Variants in FAT1 observed in about 807,000 individuals in gnomAD.
FAT1 encodes protocadherin Fat 1.
FAT1 carries 171 observed loss-of-function variants against 329.8 expected under a neutral mutation model. The observed-to-expected ratio is 0.52, with a 90% confidence interval of 0.46 to 0.59. FAT1 has a LOEUF of 0.59. FAT1 is among the 20% of genes least tolerant of loss of function. The pLI is 0.00. For missense variants in FAT1, 5,672 were observed against 5,774.4 expected, an observed-to-expected ratio of 0.98 and a Z score of 0.57; for synonymous variants, 2,233 against 2,228.6, an observed-to-expected ratio of 1.00 and a Z score of -0.06.
rs369268029 is a variant in FAT1 at position 186,606,096 on chromosome 4, T to C, written c.10324A>G (p.Arg3442Gly). The change falls in exon 17 of 27, where the codon AGG becomes GGG. Residue 3442 changes from arginine to glycine, a missense_variant. This residue lies in a region of FAT1 where 1,706 missense variants were observed against 1,859.1 expected (regional missense o/e 0.92). Coordinates refer to ENST00000441802, the MANE Select transcript of FAT1 (RefSeq NM_005245.4). ...TGGATAATGACACTGTAGTTTCCCC[T>C]GGAGAAGACGGGCGCGTTGTCATTG... The part of the protein sequence containing the change: ...DVNDNAPVFS[R>G]GNYSVIIQEN... The C allele has an allele frequency of 4.6e-5, 74 of 1,613,102 alleles. No homozygotes were observed. Among genetic ancestry groups the C allele is most frequent in the Non-Finnish European group, 6.1e-5 (72 of 1,179,812 alleles).
chr4:186,622,534 G>A (rs1477000349), intron 9 of FAT1, among the ~76,000 whole-genome samples: 1 of 152,180 alleles, frequency 6.6e-6, no homozygotes, highest in African/African-American at 2.4e-5. Context: ...AAAAATATCT[G>A]GTTCCAAATG....
intron 2 of FAT1, among the ~76,000 whole-genome samples, chr4:186,695,061 T>C (rs770667499): frequency 2.0e-5 from 3 of 152,192 alleles, no homozygotes; most frequent in Non-Finnish European, 4.4e-5. Context: ...TCAAAAATAA[T>C]CTGTGAATCT....
Position 186,620,864 on chromosome 4 carries a change from A to C in FAT1, c.5722T>G (p.Ser1908Ala), listed in dbSNP as rs2126519888. Residue 1908 changes from serine to alanine, a missense_variant, in exon 10 of 27, where the codon TCA becomes GCA. Around this residue, in one of 2 missense-constraint regions of FAT1, gnomAD observed 3,966 missense variants for 3,915.2 expected, o/e 1.01. Transcript: ENST00000441802. ...TAAATCAACTGTGAGAATGCACTTG[A>C]ATCAGCATCTGTAGCATTTACTGTG... is the stretch of plus-strand genomic sequence containing the variant. Reference protein sequence around the residue: ...VITVNATDADSSAFSQLIYSI... With the variant: ...VITVNATDADASAFSQLIYSI... 1 of 1,614,028 alleles carries C rather than the reference A, an allele frequency of 6.2e-7. No individual in the cohort carries two copies. The highest frequency in any genetic ancestry group is 8.5e-7 in the Non-Finnish European group (1 of 1,179,896).
chr4:186,676,736 A>G (rs901441664), intron 2 of FAT1, among the ~76,000 whole-genome samples: 5 of 152,130 alleles, frequency 3.3e-5, no homozygotes, highest in African/African-American at 9.7e-5. Flanking sequence ...TATAAACAGA[A>G]CTCTCTCCAA....
intron 2 of FAT1, among the ~76,000 whole-genome samples, chr4:186,700,958 C>A (rs1379991208): frequency 1.3e-5 from 2 of 152,158 alleles, no homozygotes; most frequent in African/African-American, 4.8e-5. Context: ...ACCTCCAGGT[C>A]CCGGCCCCTG....
At chr4:186,688,506 G>C (rs1743586647) in intron 2 of FAT1, among the ~76,000 whole-genome samples, 1 of 152,088 alleles carries the variant, frequency 6.6e-6, no homozygotes, top group Non-Finnish European at 1.5e-5. Flanking sequence ...TGCAGACCAG[G>C]CTGTGACCTA....
At chr4:186,666,302 C>G (rs1259967704) in intron 2 of FAT1, among the ~76,000 whole-genome samples, 4 of 152,188 alleles carry the variant, frequency 2.6e-5, no homozygotes, top group Non-Finnish European at 5.9e-5. Flanking sequence ...TCCCTGTTCT[C>G]TAACCCAAGC....
intron 17 of FAT1, among the ~76,000 whole-genome samples, chr4:186,605,658 G>A (rs1445397765): frequency 1.3e-5 from 2 of 150,094 alleles, no homozygotes; most frequent in Non-Finnish European, 3.0e-5. Context: ...GAGAAGAGGT[G>A]GAGGGAGGAG....
At chr4:186,639,879 A>C in intron 3 of FAT1, 96 bp from the exon 4 acceptor site, 11 of 1,053,876 alleles carry the variant, frequency 1.0e-5, no homozygotes, top group South Asian at 1.4e-5. Context: ...GCGGTAGCTC[A>C]TGCCTTAATC....
In FAT1 at chr4:186,663,584, G is replaced by C. The variant is rs537428906; in HGVS notation, c.3295C>G (p.Arg1099Gly). The change falls in exon 3 of 27, where the codon CGT (arginine) becomes GGT (glycine). Residue 1099 changes from arginine to glycine, a missense_variant. Arg to Gly is a moderately radical substitution (Grantham distance 125). This residue lies in a region of FAT1 where 3,966 missense variants were observed against 3,915.2 expected (regional missense o/e 1.01). Coordinates refer to ENST00000441802, the MANE Select transcript of FAT1 (RefSeq NM_005245.4). ...GVIETSDRLD[R>G]ESTSHYWLTV... The stretch of plus-strand genomic sequence containing the variant: ...AGCCAATAATGGGAGGTCGATTCAC[G>C]GTCCAGTCGATCTGACGTCTCTATG... 3.1e-6 allele frequency: 5 copies of C among 1,610,004 alleles called. No individual in the cohort carries two copies. Among genetic ancestry groups the C allele is most frequent in the Non-Finnish European group, 4.2e-6 (5 of 1,179,666 alleles).
chr4:186,596,585 CAGA>C lies in FAT1; in HGVS notation c.12952_12954del (p.Ser4318del). The stretch of plus-strand genomic sequence containing the variant: ...CTAGGCTTCTGGATGGAGTCGCTGT[CAGA>C]AGGGGAGTTTGAAGGGGGTGGGGGA... On this transcript the variant is annotated inframe_deletion, in exon 25 of 27. Coordinates refer to ENST00000441802, the MANE Select transcript of FAT1 (RefSeq NM_005245.4). The surrounding 1 kb of genome is among the most constrained non-coding windows in gnomAD (Gnocchi z 4.7). 3.1e-6 allele frequency: 5 copies of C among 1,612,420 alleles called. No individual in the cohort carries two copies. The highest frequency in any genetic ancestry group is 4.2e-6 in the Non-Finnish European group (5 of 1,179,404).
Position 186,705,858 on chromosome 4 carries a change from G to A in FAT1, c.3265+705C>T, listed in dbSNP as rs149174853. Among the ~76,000 whole-genome samples the A allele has an allele frequency of 5.1e-4, 78 of 152,276 alleles. 1 individual carries two copies. The South Asian group carries it at 9.1e-3, about 18-fold the overall frequency. ...CCTACCACACGTCAGGAGTTTTCCC[G>A]TGTTATTTCACTTTACTCTCACTTA... On this transcript the variant is annotated intron_variant, in intron 2 of 26. Transcript: ENST00000441802.
intron 2 of FAT1, among the ~76,000 whole-genome samples, chr4:186,702,813 TG>T (rs1448336588): frequency 6.6e-6 from 1 of 152,160 alleles, no homozygotes; most frequent in Non-Finnish European, 1.5e-5. Context: ...CAACAGAGAA[TG>T]GATCTGAAGT....
intron 2 of FAT1, among the ~76,000 whole-genome samples, chr4:186,698,232 G>C (rs1167424286): frequency 6.6e-6 from 1 of 152,178 alleles, no homozygotes; most frequent in East Asian, 1.9e-4. Context: ...GTCACAGACA[G>C]GCCGCGCACT....
chr4:186,725,002 A>G (rs1267813066), upstream of FAT1, among the ~76,000 whole-genome samples: 1 of 152,060 alleles, frequency 6.6e-6, no homozygotes, highest in Non-Finnish European at 1.5e-5. This position sits in a 1 kb window ranked among gnomAD's most constrained non-coding sequence, Gnocchi z 5.4. Context: ...AATAATAATA[A>G]AGGTGTCTAG....
At chr4:186,597,905 T>G in intron 23 of FAT1, 67 bp downstream of exon 23, 2 of 1,572,126 alleles carry the variant, frequency 1.3e-6, no homozygotes, top group Non-Finnish European at 1.7e-6. Flanking sequence ...ACTTTTTACA[T>G]GTACCATTAT....
rs749669840 is a variant in FAT1, at chr4:186,603,736, C to T, written c.10790G>A (p.Gly3597Asp). The change falls in exon 19 of 27, where the codon GGC becomes GAC. Residue 3597 changes from glycine (G) to aspartate (D), a missense_variant. Gly to Asp is a moderately conservative substitution (Grantham distance 94, BLOSUM62 -1). This residue lies in a region of FAT1 where 1,706 missense variants were observed against 1,859.1 expected (regional missense o/e 0.92). Coordinates refer to ENST00000441802, the MANE Select transcript of FAT1 (RefSeq NM_005245.4). ...TAGCTTTTTGTGTGCTATCAGCTTG[C>T]CCCCTGTGCTGGAAACAGAGAACAG... ...DNLFSVSSTG[G>D]KLIAHKKLDI... The T allele has an allele frequency of 1.2e-6, 2 of 1,613,930 alleles. No homozygotes were observed. Among genetic ancestry groups the T allele is most frequent in the South Asian group, 1.1e-5 (1 of 91,080 alleles).
At chr4:186,692,319 A>ATTTTT (rs769658294) in intron 2 of FAT1, among the ~76,000 whole-genome samples, 99 of 150,766 alleles carry the variant, frequency 6.6e-4, no homozygotes, top group African/African-American at 1.7e-3. Context: ...TTATTTATTT[A>ATTTTT]TTTATTTTTT....
chr4:186,617,608 T>A lies in FAT1; in HGVS notation c.8878+100A>T, dbSNP rs150281198. The A allele has an allele frequency of 1.4e-4, 128 of 928,954 alleles. No individual in the cohort carries two copies. The African/African-American group carries it at 1.8e-3, about 13-fold the overall frequency. The allele number at this position is 928,954 out of a possible 1,614,324, so 57.5% of individuals were successfully genotyped here. A position where few individuals can be genotyped will look rare whatever the true frequency, so the allele number is the denominator to read the frequency against. Reference sequence around the variant, plus strand: ...TTTTAGATATTTTTAACTAAAATCATCCCTTAAATCCCCAATTTCCATACA... The same window carrying A: ...TTTTAGATATTTTTAACTAAAATCAACCCTTAAATCCCCAATTTCCATACA... On this transcript the variant is annotated intron_variant, in intron 10 of 26. Coordinates refer to ENST00000441802, the MANE Select transcript of FAT1 (RefSeq NM_005245.4).
Sources: allele counts gnomAD v4.1 joint callset (sites outside exome capture counted in the v4.1 genomes callset), GRCh38; gene constraint gnomAD v4.1.1; regional missense constraint gnomAD v4.1.1; non-coding constraint Gnocchi (gnomAD v3.1); transcripts MANE v1.5; gene names NCBI Gene and HGNC (gene_info 2026-07-23, HGNC 2026-07-21).